The following LRRC4C variants were observed in gnomAD, a reference collection of about 807,000 sequenced individuals.
The protein encoded by LRRC4C is leucine rich repeat containing 4C, also known as leucine-rich repeat-containing protein 4C.
A neutral mutation model predicts 33.6 loss-of-function variants in LRRC4C; 5 were observed. The observed-to-expected ratio is 0.15, with a 90% CI of 0.08 to 0.31. LRRC4C has a LOEUF of 0.31. Among genes scored for constraint, LRRC4C ranks in the 10% least tolerant of loss-of-function variants. The pLI, the probability that LRRC4C is intolerant of heterozygous loss-of-function variation, is 1.00. For missense variants in LRRC4C, 560 were observed against 796.7 expected, an observed-to-expected ratio of 0.70 and a Z score of 3.58; for synonymous variants, 329 against 302.0, an observed-to-expected ratio of 1.09 and a Z score of -0.93.
At chr11:41,357,689 G>C (rs1952209967) in intron 1 of LRRC4C, among the ~76,000 whole-genome samples, 2 of 151,932 alleles carry the variant, frequency 1.3e-5, no homozygotes, top group Admixed American at 1.3e-4. Flanking sequence ...AAATACCTGA[G>C]AGTATATCTA....
At chr11:41,344,362 A>T (rs1951736599) in intron 1 of LRRC4C, among the ~76,000 whole-genome samples, 2 of 151,624 alleles carry the variant, frequency 1.3e-5, no homozygotes, top group African/African-American at 4.8e-5. Flanking sequence ...CTGGGAGTAC[A>T]GGCGCCCGCC....
intron 1 of LRRC4C, among the ~76,000 whole-genome samples, chr11:41,279,325 G>A (rs1949580570): frequency 6.6e-6 from 1 of 150,796 alleles, no homozygotes; most frequent in Admixed American, 6.6e-5. Context: ...TGCTTTCTGA[G>A]AGGCTACAAG....
At chr11:40,633,420 A>C (rs375440393) in intron 3 of LRRC4C, among the ~76,000 whole-genome samples, 3 of 79,376 alleles carry the variant, frequency 3.8e-5, no homozygotes, top group South Asian at 3.8e-4. Context: ...ACAGAGTCTC[A>C]CTCTATCGCC....
intron 1 of LRRC4C, among the ~76,000 whole-genome samples, chr11:41,045,584 A>T (rs1050372603): frequency 6.6e-6 from 1 of 152,160 alleles, no homozygotes; most frequent in Non-Finnish European, 1.5e-5. Flanking sequence ...GGTGTTGAAC[A>T]TATGAGATAA....
rs538056228 is a variant in LRRC4C, at chr11:40,961,365, G to GT, written c.-495-27643_-495-27642insA. Among the ~76,000 whole-genome samples the GT allele has an allele frequency of 4.7e-4, 71 of 151,678 alleles. 1 individual carries two copies. In the South Asian group the frequency reaches 7.7e-3, roughly 16 times the overall value. ...CATTTTGTTACCAGGAAGCAAGAAG[G>GT]GCTACAAACACTTGCCTCCTTGGTG... On this transcript the variant is annotated intron_variant, in intron 1 of 6. Coordinates refer to ENST00000528697, the MANE Select transcript of LRRC4C (RefSeq NM_001258419.2).
intron 5 of LRRC4C, among the ~76,000 whole-genome samples, chr11:40,229,835 A>G (rs1334812609): frequency 1.3e-5 from 2 of 152,192 alleles, no homozygotes; most frequent in South Asian, 2.1e-4. Flanking sequence ...CCTTACACTT[A>G]TAAGTTAATA....
At chr11:41,233,011 G>A (rs1312648841) in intron 1 of LRRC4C, among the ~76,000 whole-genome samples, 1 of 152,066 alleles carries the variant, frequency 6.6e-6, no homozygotes, top group Admixed American at 6.6e-5. Flanking sequence ...GTCAAAACAA[G>A]TGACTACATT....
chr11:41,411,244 G>C (rs1047595104), intron 1 of LRRC4C, among the ~76,000 whole-genome samples: 1 of 145,648 alleles, frequency 6.9e-6, no homozygotes, highest in Non-Finnish European at 1.5e-5. Flanking sequence ...TGCCTCCCAG[G>C]TTCATGCCAT....
At chr11:41,280,233 C>G (rs1949618988) in intron 1 of LRRC4C, among the ~76,000 whole-genome samples, 1 of 152,122 alleles carries the variant, frequency 6.6e-6, no homozygotes. Context: ...TCAGAATTCT[C>G]ACCACGAAAG....
At chr11:40,599,905 A>T (rs1462799264) in intron 3 of LRRC4C, among the ~76,000 whole-genome samples, 1 of 152,188 alleles carries the variant, frequency 6.6e-6, no homozygotes, top group Non-Finnish European at 1.5e-5. Flanking sequence ...TCTGGGCACA[A>T]CGGCAACAAT....
chr11:40,375,254 G>A (rs1309318976), intron 3 of LRRC4C, among the ~76,000 whole-genome samples: 6 of 152,122 alleles, frequency 3.9e-5, no homozygotes, highest in Non-Finnish European at 5.9e-5. Flanking sequence ...CCTCAACAGC[G>A]GTAATTAGAC....
intron 1 of LRRC4C, among the ~76,000 whole-genome samples, chr11:41,214,969 C>A (rs1335821373): frequency 2.1e-5 from 3 of 144,288 alleles, no homozygotes; most frequent in Non-Finnish European, 4.5e-5. Context: ...CATAATTTTC[C>A]CCTTCATTTC....
At chr11:40,922,681 T>C (rs1348636353) in intron 2 of LRRC4C, among the ~76,000 whole-genome samples, 1 of 152,130 alleles carries the variant, frequency 6.6e-6, no homozygotes, top group Non-Finnish European at 1.5e-5. Context: ...CTTTGGCAAA[T>C]TGGAAAGTTG....
At chr11:41,217,305 T>C (rs769355321) in intron 1 of LRRC4C, among the ~76,000 whole-genome samples, 3 of 152,182 alleles carry the variant, frequency 2.0e-5, no homozygotes, top group Admixed American at 2.0e-4. Context: ...TCAAAATACA[T>C]AGAAGCTTCA....
intron 3 of LRRC4C, among the ~76,000 whole-genome samples, chr11:40,324,332 G>T (rs1025685653): frequency 1.1e-4 from 16 of 152,038 alleles, no homozygotes; most frequent in African/African-American, 3.4e-4. Flanking sequence ...AAGGTGAGCA[G>T]TTTTTTTTGT....
intron 2 of LRRC4C, among the ~76,000 whole-genome samples, chr11:40,688,600 A>G (rs1190756020): frequency 6.6e-6 from 1 of 152,048 alleles, no homozygotes; most frequent in East Asian, 1.9e-4. Context: ...TGAGAGTCCG[A>G]TTGCTGCAGC....
intron 3 of LRRC4C, among the ~76,000 whole-genome samples, chr11:40,341,458 C>G (rs147728250): frequency 2.9e-5 from 4 of 138,594 alleles, no homozygotes; most frequent in African/African-American, 1.1e-4. Flanking sequence ...ATTGCTGGGT[C>G]AAACACTGCA....
intron 2 of LRRC4C, among the ~76,000 whole-genome samples, chr11:40,858,301 C>A (rs1273831497): frequency 6.6e-6 from 1 of 151,970 alleles, no homozygotes; most frequent in Non-Finnish European, 1.5e-5. Context: ...AAAATAGGAG[C>A]AATTAAGAGC....
chr11:41,369,844 A>G (rs1001094052), intron 1 of LRRC4C, among the ~76,000 whole-genome samples: 3 of 152,174 alleles, frequency 2.0e-5, no homozygotes, highest in African/African-American at 7.2e-5. Flanking sequence ...CTCTGCGAAT[A>G]ATGTGCAGGA....
Sources: gnomAD v4.1 joint callset for allele counts (sites outside exome capture counted in the v4.1 genomes callset) on GRCh38, gnomAD v4.1.1 for gene constraint, MANE v1.5 for transcripts, NCBI Gene and HGNC (gene_info 2026-07-23, HGNC 2026-07-21) for gene names.